TBC1D22A: variants seen among roughly 807,000 people sequenced by gnomAD.
The protein encoded by TBC1D22A is TBC1 domain family member 22A.
TBC1D22A carries 38 observed loss-of-function variants against 60.2 expected under a neutral mutation model. That is an observed-to-expected ratio of 0.63 (90% CI 0.49 to 0.83). The LOEUF (loss-of-function observed/expected upper bound fraction) is 0.83. Among genes scored for constraint, TBC1D22A ranks in the 40% least tolerant of loss-of-function variants. TBC1D22A has a pLI of 0.00. For synonymous variants in TBC1D22A, 302 were observed against 281.7 expected (o/e 1.07, Z -0.72); for missense variants, 628 against 701.0 (o/e 0.90, Z 1.18).
intron 8 of TBC1D22A, among the ~76,000 whole-genome samples, chr22:46,963,579 G>T (rs1436566374): frequency 6.6e-6 from 1 of 152,244 alleles, no homozygotes; most frequent in Non-Finnish European, 1.5e-5. Flanking sequence ...CAAGAGACAG[G>T]CCATCTTGGA....
intron 4 of TBC1D22A, among the ~76,000 whole-genome samples, chr22:46,798,551 C>T (rs1352262391): frequency 6.6e-6 from 1 of 152,260 alleles, no homozygotes; most frequent in African/African-American, 2.4e-5. Flanking sequence ...CTTTCAGTTC[C>T]TCTGGTGGAA....
chr22:47,103,139 C>G (rs1184033733), intron 11 of TBC1D22A, among the ~76,000 whole-genome samples: 1 of 152,206 alleles, frequency 6.6e-6, no homozygotes, highest in African/African-American at 2.4e-5. Context: ...TTTCCCCAGG[C>G]TCCTGGTAAC....
chr22:47,086,386 C>G (rs1462289684), intron 11 of TBC1D22A, among the ~76,000 whole-genome samples: 1 of 152,118 alleles, frequency 6.6e-6, no homozygotes. Flanking sequence ...ACCTGGGAGG[C>G]GGAGGTTGCG....
intron 9 of TBC1D22A, among the ~76,000 whole-genome samples, chr22:46,984,973 T>C (rs1398853313): frequency 6.6e-6 from 1 of 152,170 alleles, no homozygotes; most frequent in Non-Finnish European, 1.5e-5. Context: ...ATGTGTGGCT[T>C]CTTACAGTGC....
chr22:47,102,334 C>T (rs1026519281), intron 11 of TBC1D22A, among the ~76,000 whole-genome samples: 5 of 152,164 alleles, frequency 3.3e-5, no homozygotes, highest in African/African-American at 7.2e-5. Flanking sequence ...GGGGCTTCTC[C>T]ACGCCACAGC....
At chr22:47,058,102 A>G (rs181832978) in intron 11 of TBC1D22A, among the ~76,000 whole-genome samples, 2 of 152,282 alleles carry the variant, frequency 1.3e-5, no homozygotes, top group East Asian at 1.9e-4. Flanking sequence ...AGCAGATCTG[A>G]GCTCCGGTGG....
chr22:47,136,055 G>C (rs975296837), intron 12 of TBC1D22A, among the ~76,000 whole-genome samples: 4 of 152,244 alleles, frequency 2.6e-5, no homozygotes, highest in African/African-American at 9.6e-5. Context: ...GAAAAGGAAA[G>C]GAATGAGTGG....
At chr22:46,931,144 T>C (rs1442744669) in intron 8 of TBC1D22A, among the ~76,000 whole-genome samples, 1 of 152,220 alleles carries the variant, frequency 6.6e-6, no homozygotes, top group Non-Finnish European at 1.5e-5. Flanking sequence ...GTTTTTATGC[T>C]TGCAGCTGAT....
intron 10 of TBC1D22A, among the ~76,000 whole-genome samples, chr22:47,017,674 G>A (rs78215440): frequency 2.1e-3 from 314 of 152,276 alleles, no homozygotes; most frequent in Non-Finnish European, 3.5e-3. Context: ...AGTCTAAGGC[G>A]TTACGAGAAG....
At chr22:47,157,961 C>T (rs887652768) in intron 12 of TBC1D22A, among the ~76,000 whole-genome samples, 10 of 152,298 alleles carry the variant, frequency 6.6e-5, no homozygotes, top group African/African-American at 1.9e-4. Flanking sequence ...GGATGGGCGT[C>T]GTGGCTCTTA....
intron 11 of TBC1D22A, among the ~76,000 whole-genome samples, chr22:47,071,211 G>A (rs1227750859): frequency 6.6e-6 from 1 of 152,216 alleles, no homozygotes; most frequent in Non-Finnish European, 1.5e-5. Flanking sequence ...GAGCCCACAT[G>A]CGCCTATCAC....
intron 12 of TBC1D22A, among the ~76,000 whole-genome samples, chr22:47,124,231 T>C (rs1396822750): frequency 1.3e-5 from 2 of 151,950 alleles, no homozygotes; most frequent in Non-Finnish European, 2.9e-5. Context: ...AACTGCAGGG[T>C]AAATGCAGGA....
intron 4 of TBC1D22A, among the ~76,000 whole-genome samples, chr22:46,872,872 G>A (rs996071673): frequency 1.3e-5 from 2 of 152,162 alleles, no homozygotes; most frequent in Non-Finnish European, 2.9e-5. Context: ...TCACCAAAAA[G>A]CAGTGAGTTG....
chr22:46,847,482 C>T (rs374813281), intron 4 of TBC1D22A, among the ~76,000 whole-genome samples: 6 of 152,302 alleles, frequency 3.9e-5, no homozygotes, highest in East Asian at 1.9e-4. Context: ...ATTTTCTGCA[C>T]GTTGAGAATG....
At chr22:47,062,087 C>CAAAAAA (rs908701365) in intron 11 of TBC1D22A, among the ~76,000 whole-genome samples, 669 of 62,984 alleles carry the variant, frequency 0.011, 80 homozygotes, top group African/African-American at 0.041. Flanking sequence ...GACTCCATCT[C>CAAAAAA]AAAAAAAAAA....
intron 9 of TBC1D22A, 26 bp downstream of exon 9, chr22:46,974,425 A>AGCCCAC (rs1294276734): frequency 5.1e-6 from 8 of 1,576,296 alleles, no homozygotes; most frequent in Non-Finnish European, 6.9e-6. Context: ...CACGGGACAC[A>AGCCCAC]GCCCACGCCC....
rs1240714116 is a variant in TBC1D22A at position 46,990,213 on chromosome 22, T to C, written c.1126-7421T>C. Among the ~76,000 whole-genome samples, 6 of 152,272 alleles carry C rather than the reference T, an allele frequency of 3.9e-5. No homozygotes were observed. Among genetic ancestry groups the C allele is most frequent in the Non-Finnish European group, 8.8e-5 (6 of 68,050 alleles). On this transcript the variant is annotated intron_variant, in intron 9 of 12. Coordinates refer to ENST00000337137, the MANE Select transcript of TBC1D22A (RefSeq NM_014346.5). The surrounding 1 kb of genome is among the most constrained non-coding windows in gnomAD (Gnocchi z 4.6). ...AGACCACATATATATTCATCTAATC[T>C]GTCCAACCTAATTATTTATACGGTT...
At chr22:47,094,424 C>T (rs2065094044) in intron 11 of TBC1D22A, among the ~76,000 whole-genome samples, 1 of 152,132 alleles carries the variant, frequency 6.6e-6, no homozygotes, top group Non-Finnish European at 1.5e-5. Context: ...AGAGACTGGC[C>T]TCTCCCAAGC....
chr22:47,078,575 G>A (rs1022986618), intron 11 of TBC1D22A, among the ~76,000 whole-genome samples: 4 of 152,244 alleles, frequency 2.6e-5, no homozygotes, highest in Non-Finnish European at 4.4e-5. Flanking sequence ...GTTGTGGCAC[G>A]CAGTGCCGTG....
Sources: allele counts gnomAD v4.1 joint callset (sites outside exome capture counted in the v4.1 genomes callset), GRCh38; gene constraint gnomAD v4.1.1; non-coding constraint Gnocchi (gnomAD v3.1); transcripts MANE v1.5; gene names NCBI Gene and HGNC (gene_info 2026-07-23, HGNC 2026-07-21).